COL9A3: variants seen among roughly 807,000 people sequenced by gnomAD.
The protein encoded by COL9A3 is collagen type IX alpha 3 chain.
In COL9A3, 82 loss-of-function variants were observed where a neutral mutation model predicts 110.2. That is an observed-to-expected ratio of 0.74 (90% confidence interval 0.62 to 0.89). The LOEUF is 0.89. Ranked by LOEUF, COL9A3 falls within the 40% of genes least tolerant of loss-of-function variation. The probability of loss-of-function intolerance (pLI) is 0.00; values close to 1 mark genes in which losing one functional copy is unlikely to be tolerated. For synonymous variants in COL9A3, 494 were observed against 403.8 expected, an observed-to-expected ratio of 1.22 and a Z score of -2.68; for missense variants, 1,066 against 981.3, an observed-to-expected ratio of 1.09 and a Z score of -1.15.
intron 26 of COL9A3, among the ~76,000 whole-genome samples, chr20:62,834,790 C>A (rs919493752): frequency 2.0e-5 from 3 of 152,072 alleles, no homozygotes; most frequent in African/African-American, 4.8e-5. Flanking sequence ...CTACAGGTGC[C>A]CACCATCACA....
chr20:62,825,322 C>T (rs2063543955), intron 12 of COL9A3: 1 of 331,570 alleles, frequency 3.0e-6, no homozygotes, highest in Non-Finnish European at 5.4e-6. Flanking sequence ...CCCCGTCCTG[C>T]CTGGCCTCGC....
At chr20:62,832,841 C>T in intron 25 of COL9A3, 179 bp from the exon 26 acceptor site, 1 of 473,078 alleles carries the variant, frequency 2.1e-6, no homozygotes, top group Non-Finnish European at 3.4e-6. Flanking sequence ...CCCCTGCCTG[C>T]AGGTCTCCCA....
intron 29 of COL9A3, 146 bp from the exon 30 acceptor site, chr20:62,836,937 C>T (rs1291113915): frequency 6.4e-6 from 7 of 1,097,502 alleles, no homozygotes; most frequent in Non-Finnish European, 8.3e-6. Flanking sequence ...GCATTCATCA[C>T]CCCAAAGCAG....
chr20:62,830,322 C>T lies in COL9A3; in HGVS notation c.1162-38C>T, dbSNP rs1206636390. On this transcript the variant is annotated intron_variant, in intron 22 of 31. Coordinates refer to ENST00000649368, the MANE Select transcript of COL9A3 (RefSeq NM_001853.4). ...GGGGCCTCTTGGGGACTCCTCGAAC[C>T]CTGAGACATCCGCTCACACCTCACC... 6 of 1,555,488 alleles carry T rather than the reference C, an allele frequency of 3.9e-6. No homozygotes were observed. In the East Asian group the frequency reaches 9.7e-5, roughly 25 times the overall value.
chr20:62,836,243 C>A lies in COL9A3; in HGVS notation c.1458C>A (p.Ser486Arg). The A allele has an allele frequency of 2.5e-6, 4 of 1,613,708 alleles. No individual in the cohort carries two copies. The highest frequency in any genetic ancestry group is 3.4e-6 in the Non-Finnish European group (4 of 1,179,988). Residue 486 changes from serine to arginine, a missense_variant, in exon 28 of 32, where the codon AGC becomes AGA. By Grantham distance (110) the Ser-to-Arg change is moderately radical. Transcript: ENST00000649368. ...PKGTQGPNGT[S>R]GVQGVPGPPG... ...GCACCCAGGGTCCCAACGGCACCAG[C>A]GGTGTTCAGGGTGTCCCCGGGCCCC...
intron 16 of COL9A3, 80 bp from the exon 17 acceptor site, chr20:62,827,843 C>T: frequency 1.4e-6 from 2 of 1,479,812 alleles, no homozygotes; most frequent in Non-Finnish European, 9.4e-7. Flanking sequence ...TCCTTGGTGT[C>T]CCCGAGCAGC....
chr20:62,835,922 G>C lies in COL9A3; in HGVS notation c.1370G>C (p.Gly457Ala), dbSNP rs974533776. 2 of 1,614,226 alleles carry C rather than the reference G, an allele frequency of 1.2e-6. No homozygotes were observed. Among genetic ancestry groups the C allele is most frequent in the Non-Finnish European group, 1.7e-6 (2 of 1,180,042 alleles). ...DGLPGDKGEL[G>A]PSGLVGPKGE... ...AACACACAACTTTTCTCTTCACAGG[G>C]TCCCAGCGGCCTGGTCGGACCCAAA... Residue 457 changes from glycine (G) to alanine (A), a missense_variant and splice_region_variant, in exon 27 of 32, where the codon GGT (glycine) becomes GCT (alanine). Gly to Ala is a moderately conservative substitution (Grantham distance 60). Coordinates refer to ENST00000649368, the MANE Select transcript of COL9A3 (RefSeq NM_001853.4).
intron 6 of COL9A3, 135 bp from the exon 7 acceptor site, chr20:62,821,372 C>A (rs1225244250): frequency 7.3e-7 from 1 of 1,373,446 alleles, no homozygotes; most frequent in Non-Finnish European, 1.0e-6. Flanking sequence ...GTCCTGGTGC[C>A]CTCTCTGGGC....
chr20:62,832,170 C>A lies in COL9A3; in HGVS notation c.1304C>A (p.Ala435Glu), dbSNP rs751557. Residue 435 changes from alanine (A) to glutamate (E), a missense_variant, in exon 25 of 32, where the codon GCA (alanine) becomes GAA (glutamate). Ala to Glu is a moderately radical substitution (Grantham distance 107). Coordinates refer to ENST00000649368, the MANE Select transcript of COL9A3 (RefSeq NM_001853.4). Reference protein sequence around the residue: ...DVGDRGPGGAAGPKGDQGIAG... With the variant: ...DVGDRGPGGAEGPKGDQGIAG... ...CACATCCAGGGTCCGGGAGGTGCCG[C>A]AGGCCCTAAGGGAGACCAGGTGAGC... The A allele has an allele frequency of 0.2, 320,789 of 1,605,876 alleles. 35,943 individuals are homozygous for A. The highest frequency in any genetic ancestry group is 0.41 in the African/African-American group (30,959 of 74,766).
chr20:62,817,332 G>A, intron 1 of COL9A3, 190 bp downstream of exon 1: 3 of 499,008 alleles, frequency 6.0e-6, no homozygotes, highest in Non-Finnish European at 9.9e-6. Flanking sequence ...GCTGGCCCGG[G>A]TCGGCCGGCG....
chr20:62,819,054 C>T (rs895327087), intron 3 of COL9A3, among the ~76,000 whole-genome samples, 168 bp from the exon 4 acceptor site: 8 of 152,200 alleles, frequency 5.3e-5, no homozygotes, highest in Admixed American at 2.0e-4. Flanking sequence ...GCAGGACACA[C>T]GTGCCCCAGC....
intron 20 of COL9A3, 22 bp from the exon 21 acceptor site, chr20:62,829,606 C>G (rs751580308): frequency 6.2e-7 from 1 of 1,609,836 alleles, no homozygotes. Flanking sequence ...GGCAGGCACT[C>G]ACAGCTCTCC....
At chr20:62,821,075 C>T (rs2063508651) in intron 5 of COL9A3, 106 bp from the exon 6 acceptor site, 2 of 1,189,028 alleles carry the variant, frequency 1.7e-6, no homozygotes, top group Non-Finnish European at 2.4e-6. Flanking sequence ...GGACTTGGAC[C>T]CTGTTGTCCT....
intron 29 of COL9A3, 46 bp downstream of exon 29, chr20:62,836,578 T>TG (rs2063638627): frequency 6.4e-7 from 1 of 1,558,522 alleles, no homozygotes; most frequent in Non-Finnish European, 8.7e-7. Flanking sequence ...CATCCCCGCC[T>TG]GGGGGTCCCG....
At chr20:62,839,910 C>G (rs974377100) in intron 31 of COL9A3, among the ~76,000 whole-genome samples, 5 of 152,204 alleles carry the variant, frequency 3.3e-5, no homozygotes, top group African/African-American at 1.2e-4. Context: ...CCTGGACTCT[C>G]CTTTGCTGAC....
chr20:62,823,023 C>G (rs895150784), intron 10 of COL9A3, among the ~76,000 whole-genome samples: 1 of 151,900 alleles, frequency 6.6e-6, no homozygotes, highest in Non-Finnish European at 1.5e-5. Context: ...ATCTTTGAGC[C>G]TTGTCATTTG....
chr20:62,835,970 T>C lies in COL9A3; in HGVS notation c.1401+17T>C, dbSNP rs2063631740. 1 of 1,614,038 alleles carries C rather than the reference T, an allele frequency of 6.2e-7. No homozygotes were observed. The highest frequency in any genetic ancestry group is 1.7e-5 in the Admixed American group (1 of 60,014). The stretch of plus-strand genomic sequence containing the variant: ...AAAGGAGAGGTGAGTGCCCGGCGAC[T>C]GTTCCGATGACACCATCCATGGGCG... On this transcript the variant is annotated intron_variant, in intron 27 of 31. Transcript: ENST00000649368.
chr20:62,837,594 G>A (rs947034167), intron 30 of COL9A3, among the ~76,000 whole-genome samples: 28 of 150,474 alleles, frequency 1.9e-4, no homozygotes, highest in African/African-American at 6.7e-4. Context: ...AGATCACGAG[G>A]TCGGGAGTTC....
chr20:62,829,523 C>T lies in COL9A3; in HGVS notation c.1053+24C>T, dbSNP rs13041287. 4.3e-6 allele frequency: 7 copies of T among 1,611,498 alleles called. No individual in the cohort carries two copies. In the Admixed American group the frequency reaches 6.7e-5, roughly 15 times the overall value. On this transcript the variant is annotated intron_variant, in intron 20 of 31. Transcript: ENST00000649368. ...GGGTATGTGGCTGCAGCCGCTTTCT[C>T]TCTGGGAGGGGAGGCGAGGGGCCGG...
Sources: allele counts gnomAD v4.1 joint callset (sites outside exome capture counted in the v4.1 genomes callset), GRCh38; gene constraint gnomAD v4.1.1; transcripts MANE v1.5; gene names NCBI Gene and HGNC (gene_info 2026-07-23, HGNC 2026-07-21).